MMS22L: variants seen among roughly 807,000 people sequenced by gnomAD.
MMS22L encodes the protein protein MMS22-like.
In MMS22L, 74 loss-of-function variants were observed where a neutral mutation model predicts 159.1. The observed-to-expected ratio is 0.47, with a 90% CI of 0.39 to 0.56. The LOEUF (loss-of-function observed/expected upper bound fraction) is 0.56. Among genes scored for constraint, MMS22L ranks in the 20% least tolerant of loss-of-function variants. MMS22L has a pLI of 0.00. For missense variants in MMS22L, 1,351 were observed against 1,422.1 expected (o/e 0.95, Z 0.80); for synonymous variants, 517 against 506.9 (o/e 1.02, Z -0.27).
At chr6:97,231,780 A>G in intron 12 of MMS22L, 128 bp from the exon 13 acceptor site, 2 of 661,428 alleles carry the variant, frequency 3.0e-6, no homozygotes, top group Non-Finnish European at 5.1e-6. Flanking sequence ...AACTACATGA[A>G]CACGATTCTC....
At chr6:97,196,784 A>G (rs1446127129) in intron 14 of MMS22L, among the ~76,000 whole-genome samples, 2 of 152,036 alleles carry the variant, frequency 1.3e-5, no homozygotes, top group African/African-American at 4.8e-5. Flanking sequence ...AAAAAACCCA[A>G]CCTGATGAGT....
rs562979885 is a variant in MMS22L, at chr6:97,146,170, T to C, written c.*636A>G. 9 of 152,016 alleles carry C rather than the reference T, an allele frequency of 5.9e-5. No individual in the cohort carries two copies. The East Asian group carries it at 1.7e-3, about 29-fold the overall frequency. The allele number at this position is 152,016 out of a possible 1,614,324, so 9.4% of individuals were successfully genotyped here. ...TTTGGCAACTCTTGGAACCTAAATATAAACCCTGTTGGCATGTTTACACTT... is the reference window on the plus strand; with the variant it reads ...TTTGGCAACTCTTGGAACCTAAATACAAACCCTGTTGGCATGTTTACACTT... On this transcript the variant is annotated 3_prime_UTR_variant, in exon 25 of 25. Coordinates refer to ENST00000683635, the MANE Select transcript of MMS22L (RefSeq NM_001350599.2).
intron 14 of MMS22L, among the ~76,000 whole-genome samples, chr6:97,197,295 C>T (rs768734308): frequency 2.6e-5 from 4 of 152,206 alleles, no homozygotes; most frequent in Admixed American, 6.5e-5. Flanking sequence ...GTTAGGGCTC[C>T]CATTTCCAGG....
intron 14 of MMS22L, among the ~76,000 whole-genome samples, chr6:97,197,790 C>T (rs1287896100): frequency 6.6e-6 from 1 of 152,170 alleles, no homozygotes; most frequent in African/African-American, 2.4e-5. Context: ...GGAATATGCC[C>T]TCATTTTCAT....
intron 6 of MMS22L, chr6:97,270,944 A>G (rs1347222238): frequency 6.6e-6 from 1 of 152,146 alleles, no homozygotes; most frequent in Non-Finnish European, 1.5e-5. Context: ...GATAAAACAA[A>G]AAACGGAAAA....
Position 97,173,053 on chromosome 6 carries a change from G to A in MMS22L, c.2839+10C>T. The A allele has an allele frequency of 6.2e-7, 1 of 1,606,272 alleles. No homozygotes were observed. The highest frequency in any genetic ancestry group is 8.5e-7 in the Non-Finnish European group (1 of 1,177,738). ...AATGTTACTAGCAAAATAATGCCAGGAATACATACCCATCATTCCATAAGT... is the reference window on the plus strand; with the variant it reads ...AATGTTACTAGCAAAATAATGCCAGAAATACATACCCATCATTCCATAAGT... On this transcript the variant is annotated intron_variant, in intron 19 of 24. Transcript: ENST00000683635.
At chr6:97,168,334 G>T in intron 19 of MMS22L, 94 bp from the exon 20 acceptor site, 2 of 1,106,690 alleles carry the variant, frequency 1.8e-6, no homozygotes, top group Non-Finnish European at 2.6e-6. Flanking sequence ...AAGCACATGG[G>T]ACCAAATTAA....
At position 97,233,897 on chromosome 6, in the gene MMS22L, A is replaced by G. The variant is rs1296645683; in HGVS notation, c.1266T>C (p.Ile422=). The change falls in exon 12 of 25, where the codon ATT becomes ATC. Residue 422 remains isoleucine (I), a synonymous_variant. Transcript: ENST00000683635. The part of the protein sequence containing the change: ...LCDFWEPNIA[I]VTILWEYYSK... ...TATAATATTCCCATAAAATGGTAAC[A>G]ATTGCAATGTTTGGCTCCCAGAAAT... 6.2e-7 allele frequency: 1 copy of G among 1,610,382 alleles called. No individual in the cohort carries two copies.
intron 14 of MMS22L, among the ~76,000 whole-genome samples, chr6:97,195,015 G>A (rs1355355721): frequency 6.6e-6 from 1 of 152,168 alleles, no homozygotes; most frequent in Non-Finnish European, 1.5e-5. Flanking sequence ...TGAACTTGTG[G>A]TGAGCTTTAT....
chr6:97,249,913 T>C (rs1813067594), intron 10 of MMS22L, among the ~76,000 whole-genome samples: 1 of 152,150 alleles, frequency 6.6e-6, no homozygotes, highest in African/African-American at 2.4e-5. Context: ...CATTCTGTGT[T>C]ATCAAAGCAT....
At chr6:97,200,038 G>C (rs1806973998) in intron 14 of MMS22L, among the ~76,000 whole-genome samples, 1 of 151,850 alleles carries the variant, frequency 6.6e-6, no homozygotes, top group Non-Finnish European at 1.5e-5. Context: ...GCCTTATTTT[G>C]ATCTCCTCAC....
intron 7 of MMS22L, among the ~76,000 whole-genome samples, chr6:97,268,586 A>G (rs926885121): frequency 2.6e-5 from 4 of 152,170 alleles, no homozygotes; most frequent in South Asian, 2.1e-4. Context: ...TTAAAAAAAA[A>G]AGAGAGAGAA....
At chr6:97,222,253 T>C (rs1042152141) in intron 14 of MMS22L, among the ~76,000 whole-genome samples, 1 of 151,750 alleles carries the variant, frequency 6.6e-6, no homozygotes, top group African/African-American at 2.4e-5. Flanking sequence ...ACTTCAAATG[T>C]CAAAACAGTT....
intron 20 of MMS22L, 54 bp from the exon 21 acceptor site, chr6:97,165,511 A>C: frequency 6.3e-6 from 9 of 1,437,460 alleles, no homozygotes; most frequent in Non-Finnish European, 8.6e-6. Flanking sequence ...AAGAACAAAC[A>C]ATATTTAGAA....
intron 4 of MMS22L, among the ~76,000 whole-genome samples, chr6:97,278,583 C>T (rs116947258): frequency 0.012 from 1,874 of 152,260 alleles, 26 homozygotes; most frequent in Admixed American, 0.019. Flanking sequence ...CACTCCCTAC[C>T]TCCAAAACAA....
intron 11 of MMS22L, among the ~76,000 whole-genome samples, chr6:97,240,592 A>G (rs2128025370): frequency 6.6e-6 from 1 of 151,198 alleles, no homozygotes; most frequent in East Asian, 1.9e-4. Flanking sequence ...CGGTGCACCC[A>G]TCACCTGAGC....
At chr6:97,260,313 CCTT>C in intron 9 of MMS22L, 1 of 152,266 alleles carries the variant, frequency 6.6e-6, no homozygotes, top group Middle Eastern at 3.4e-3. Context: ...GTTATTTCCT[CCTT>C]GCCTACCTTC....
chr6:97,282,092 A>T (rs1816802434), intron 2 of MMS22L, among the ~76,000 whole-genome samples: 1 of 152,234 alleles, frequency 6.6e-6, no homozygotes, highest in Admixed American at 6.5e-5. Context: ...GTAAGGGAAC[A>T]TCAGTTACCA....
chr6:97,164,422 T>C (rs1206036132), intron 21 of MMS22L, among the ~76,000 whole-genome samples: 1 of 151,756 alleles, frequency 6.6e-6, no homozygotes. Flanking sequence ...ATGAAGGCAA[T>C]GACAAAACAT....
Sources: allele counts gnomAD v4.1 joint callset (sites outside exome capture counted in the v4.1 genomes callset), GRCh38; gene constraint gnomAD v4.1.1; transcripts MANE v1.5; gene names NCBI Gene and HGNC (gene_info 2026-07-23, HGNC 2026-07-21).